Variants in MACROD2 observed in about 807,000 individuals in gnomAD.
The protein encoded by MACROD2 is mono-ADP ribosylhydrolase 2, also known as ADP-ribose glycohydrolase MACROD2.
In MACROD2, 36 loss-of-function variants were observed where a neutral mutation model predicts 70.4. The ratio of observed to expected loss-of-function variants is 0.51; its 90% CI spans 0.39 to 0.68. The LOEUF is 0.68. MACROD2 is among the 30% of genes least tolerant of loss of function. MACROD2 has a pLI of 0.00. For missense variants in MACROD2, 496 were observed against 538.4 expected (o/e 0.92, Z 0.78); for synonymous variants, 172 against 178.8 (o/e 0.96, Z 0.30).
chr20:14,566,102 A>G (rs976496965), intron 4 of MACROD2, among the ~76,000 whole-genome samples: 1 of 151,966 alleles, frequency 6.6e-6, no homozygotes, highest in East Asian at 1.9e-4. Flanking sequence ...TACTGGGCAA[A>G]TATTTGTAAC....
chr20:15,249,921 T>C (rs989213529), intron 6 of MACROD2, among the ~76,000 whole-genome samples: 27 of 152,362 alleles, frequency 1.8e-4, no homozygotes, highest in Admixed American at 1.3e-4. Flanking sequence ...TATTTTTCCC[T>C]TTATATGTAT....
At chr20:15,166,732 G>A (rs1291419563) in intron 5 of MACROD2, among the ~76,000 whole-genome samples, 2 of 151,576 alleles carry the variant, frequency 1.3e-5, no homozygotes, top group African/African-American at 4.8e-5. Flanking sequence ...AATATTTACT[G>A]TTGAAACATT....
intron 5 of MACROD2, among the ~76,000 whole-genome samples, chr20:14,819,322 A>T (rs1381553843): frequency 6.6e-6 from 1 of 151,374 alleles, no homozygotes. Context: ...CAAACTAGTC[A>T]GTCAGTATTT....
At chr20:14,541,549 G>T (rs1444924732) in intron 4 of MACROD2, among the ~76,000 whole-genome samples, 1 of 151,758 alleles carries the variant, frequency 6.6e-6, no homozygotes, top group East Asian at 1.9e-4. Context: ...ACTTACTGTT[G>T]TATCTTCAGA....
rs543624424 is a variant in MACROD2, at chr20:15,481,059, T to C, written c.572-18715T>C. On this transcript the variant is annotated intron_variant, in intron 7 of 17. Coordinates refer to ENST00000684519, the MANE Select transcript of MACROD2 (RefSeq NM_001351661.2). The stretch of plus-strand genomic sequence containing the variant: ...GGTTACACTTTACTTTCTCTAACCA[T>C]AGCATTCTTCAAACATGAAGGACCA... 5.9e-5 allele frequency among the ~76,000 whole-genome samples: 9 copies of C among 152,358 alleles called. No homozygotes were observed. In the South Asian group the frequency reaches 1.9e-3, roughly 32 times the overall value.
At chr20:15,902,511 G>C (rs73103517) in intron 10 of MACROD2, among the ~76,000 whole-genome samples, 24,709 of 151,982 alleles carry the variant, frequency 0.16, 2,471 homozygotes, top group Non-Finnish European at 0.23. Flanking sequence ...TATTATCTCG[G>C]AGTTTCTGTC....
intron 2 of MACROD2, among the ~76,000 whole-genome samples, chr20:14,042,356 A>G (rs1170051624): frequency 2.0e-5 from 3 of 152,142 alleles, no homozygotes; most frequent in African/African-American, 7.2e-5. Context: ...TGCAGTGGAA[A>G]AAACACACTC....
intron 8 of MACROD2, among the ~76,000 whole-genome samples, chr20:15,810,761 A>G (rs1459364152): frequency 2.6e-5 from 4 of 152,176 alleles, no homozygotes; most frequent in African/African-American, 9.7e-5. Flanking sequence ...GGAACAGAAC[A>G]GTGCCCTCAG....
At chr20:15,475,945 C>T (rs1175734247) in intron 7 of MACROD2, among the ~76,000 whole-genome samples, 3 of 152,264 alleles carry the variant, frequency 2.0e-5, no homozygotes, top group Admixed American at 1.3e-4. Context: ...TCGTTGCGTT[C>T]TATAAGGGAA....
intron 5 of MACROD2, among the ~76,000 whole-genome samples, chr20:14,840,084 C>T (rs1395514103): frequency 6.7e-6 from 1 of 149,560 alleles, no homozygotes; most frequent in African/African-American, 2.5e-5. Flanking sequence ...GTTGCCCAGG[C>T]TGGAGTGCAG....
intron 8 of MACROD2, among the ~76,000 whole-genome samples, chr20:15,567,195 A>T (rs2048322167): frequency 6.6e-6 from 1 of 152,074 alleles, no homozygotes; most frequent in Non-Finnish European, 1.5e-5. Flanking sequence ...AATATTTTGA[A>T]CTTTCCCATG....
At chr20:14,096,557 TG>T (rs1256007220) in intron 3 of MACROD2, among the ~76,000 whole-genome samples, 6 of 151,908 alleles carry the variant, frequency 3.9e-5, no homozygotes, top group Admixed American at 1.3e-4. Flanking sequence ...TTAGTAGAAA[TG>T]GGGTTTTGCC....
chr20:15,581,305 C>T (rs907919675), intron 8 of MACROD2, among the ~76,000 whole-genome samples: 1 of 152,230 alleles, frequency 6.6e-6, no homozygotes, highest in African/African-American at 2.4e-5. Flanking sequence ...ATCATCAGTA[C>T]ACAGACGTCC....
At chr20:15,905,734 T>C (rs2065137402) in intron 10 of MACROD2, among the ~76,000 whole-genome samples, 1 of 152,238 alleles carries the variant, frequency 6.6e-6, no homozygotes, top group South Asian at 2.1e-4. Context: ...AGTTTTCTAA[T>C]GTAACAAAGT....
chr20:15,817,618 A>G (rs2063891131), intron 8 of MACROD2, among the ~76,000 whole-genome samples: 1 of 152,058 alleles, frequency 6.6e-6, no homozygotes, highest in Admixed American at 6.6e-5. Flanking sequence ...TTCTTTCCTA[A>G]TGCCTCTCAC....
At chr20:15,618,928 G>T (rs745393496) in intron 8 of MACROD2, among the ~76,000 whole-genome samples, 8 of 152,150 alleles carry the variant, frequency 5.3e-5, no homozygotes, top group Non-Finnish European at 1.0e-4. Flanking sequence ...ATAATTTGGC[G>T]GGTGGAGGAA....
At chr20:14,233,590 G>A (rs1422381421) in intron 3 of MACROD2, among the ~76,000 whole-genome samples, 28 of 150,644 alleles carry the variant, frequency 1.9e-4, no homozygotes, top group Non-Finnish European at 3.3e-4. Context: ...CCAGCTACTC[G>A]GGAGGCTGAG....
chr20:14,095,210 T>C (rs964966338), intron 3 of MACROD2, among the ~76,000 whole-genome samples: 18 of 152,192 alleles, frequency 1.2e-4, no homozygotes, highest in Non-Finnish European at 2.5e-4. Context: ...TTTGGATACA[T>C]TTGCTTATAA....
chr20:15,638,753 G>A (rs1481597210), intron 8 of MACROD2, among the ~76,000 whole-genome samples: 1 of 152,186 alleles, frequency 6.6e-6, no homozygotes, highest in Non-Finnish European at 1.5e-5. Flanking sequence ...TTATGTAGGA[G>A]AGAAGAGCAT....
Sources: gnomAD v4.1 joint callset for allele counts (sites outside exome capture counted in the v4.1 genomes callset) on GRCh38, gnomAD v4.1.1 for gene constraint, MANE v1.5 for transcripts, NCBI Gene and HGNC (gene_info 2026-07-23, HGNC 2026-07-21) for gene names.